Variants in RAB3C observed in about 807,000 individuals in gnomAD.
RAB3C encodes the protein ras-related protein Rab-3C.
Under a neutral mutation model 26.4 loss-of-function variants are expected in RAB3C, and 17 were observed. The ratio of observed to expected loss-of-function variants is 0.64; its 90% confidence interval spans 0.44 to 0.97. The LOEUF (loss-of-function observed/expected upper bound fraction) is 0.97. Among genes scored for constraint, RAB3C ranks in the 50% least tolerant of loss-of-function variants. The pLI is 0.00. For synonymous variants in RAB3C, 91 were observed against 95.9 expected (o/e 0.95, Z 0.30); for missense variants, 242 against 281.9 (o/e 0.86, Z 1.01).
At chr5:58,697,745 C>T (rs542115927) in intron 2 of RAB3C, among the ~76,000 whole-genome samples, 5 of 152,170 alleles carry the variant, frequency 3.3e-5, no homozygotes, top group South Asian at 2.1e-4. Flanking sequence ...AGGATTGCAA[C>T]CCCTGCTTTT....
intron 2 of RAB3C, among the ~76,000 whole-genome samples, chr5:58,620,446 G>A (rs376966847): frequency 1.3e-5 from 2 of 152,138 alleles, no homozygotes; most frequent in Non-Finnish European, 2.9e-5. Flanking sequence ...TGTGCTTATG[G>A]AACTTGTAGT....
intron 2 of RAB3C, among the ~76,000 whole-genome samples, chr5:58,646,214 C>G (rs146227979): frequency 1.3e-5 from 2 of 152,130 alleles, no homozygotes; most frequent in Non-Finnish European, 2.9e-5. Flanking sequence ...GTTCTCATAG[C>G]GTCTTCTCTC....
intron 1 of RAB3C, among the ~76,000 whole-genome samples, chr5:58,587,039 G>A (rs1746022214): frequency 6.6e-6 from 1 of 152,046 alleles, no homozygotes; most frequent in South Asian, 2.1e-4. Flanking sequence ...ATCCCTAATT[G>A]ACTTTAGAGA....
At position 58,852,706 on chromosome 5, in the gene RAB3C, G is replaced by C. The variant is rs1408963384; in HGVS notation, c.*1355G>C. On this transcript the variant is annotated 3_prime_UTR_variant, in exon 5 of 5. Coordinates refer to ENST00000282878, the MANE Select transcript of RAB3C (RefSeq NM_138453.4). Reference sequence around the variant, plus strand: ...GAGAAAACAACAAATCCTACCAGCTGTACAGAGAGCAACAGGGAAATTTGG... The same window carrying C: ...GAGAAAACAACAAATCCTACCAGCTCTACAGAGAGCAACAGGGAAATTTGG... 7 of 152,272 alleles carry C rather than the reference G, an allele frequency of 4.6e-5. 1 individual carries two copies. The highest frequency in any genetic ancestry group is 1.7e-4 in the African/African-American group (7 of 41,554). 9.4% of individuals were successfully genotyped at this position (152,272 alleles called of 1,614,324 possible).
Position 58,813,592 on chromosome 5 carries a change from TTATATATATATATATATATATA to T in RAB3C, c.372-11425_372-11404del, listed in dbSNP as rs869039335. ...TGTTATGGTTAATTTATATTTATAT[TTATATATATATATATATATATA>T]TATATATATATATATATATACACAC... On this transcript the variant is annotated intron_variant, in intron 3 of 4. Coordinates refer to ENST00000282878, the MANE Select transcript of RAB3C (RefSeq NM_138453.4). Among the ~76,000 whole-genome samples the T allele has an allele frequency of 2.2e-3, 103 of 47,820 alleles. 2 individuals are homozygous for T. Among genetic ancestry groups the T allele is most frequent in the Admixed American group, 5.3e-3 (23 of 4,302 alleles). 31.4% of individuals were successfully genotyped at this position (47,820 alleles called of 152,430 possible). A position where few individuals can be genotyped will look rare whatever the true frequency, so the allele number is the denominator to read the frequency against.
At chr5:58,595,933 A>G (rs1027697767) in intron 1 of RAB3C, among the ~76,000 whole-genome samples, 8 of 152,140 alleles carry the variant, frequency 5.3e-5, no homozygotes, top group Non-Finnish European at 8.8e-5. Context: ...GCATATAGAA[A>G]GTGTGAATGT....
chr5:58,811,674 T>C (rs1390331451), intron 3 of RAB3C, among the ~76,000 whole-genome samples: 1 of 152,018 alleles, frequency 6.6e-6, no homozygotes, highest in African/African-American at 2.4e-5. Context: ...CAGAGCTGGC[T>C]GGGAGGCCAG....
chr5:58,789,050 C>A (rs1742461223), intron 3 of RAB3C, among the ~76,000 whole-genome samples: 1 of 152,022 alleles, frequency 6.6e-6, no homozygotes, highest in African/African-American at 2.4e-5. Flanking sequence ...TGCGTGCATG[C>A]AGCCAGGGGA....
intron 4 of RAB3C, among the ~76,000 whole-genome samples, chr5:58,826,309 AG>A (rs1242255964): frequency 1.3e-5 from 2 of 152,168 alleles, no homozygotes; most frequent in Non-Finnish European, 2.9e-5. Flanking sequence ...GCAACTACAA[AG>A]GAGATGAGGC....
intron 2 of RAB3C, among the ~76,000 whole-genome samples, chr5:58,625,351 G>C (rs1747030037): frequency 1.3e-5 from 2 of 152,150 alleles, no homozygotes; most frequent in Admixed American, 1.3e-4. Flanking sequence ...TGCTTATAGA[G>C]TAACTTCAAG....
intron 1 of RAB3C, among the ~76,000 whole-genome samples, chr5:58,606,022 A>G (rs1243935575): frequency 6.6e-6 from 1 of 152,178 alleles, no homozygotes; most frequent in Admixed American, 6.5e-5. Context: ...CAACTGAGGT[A>G]CCTGGTTCAT....
At chr5:58,642,175 T>G (rs944662287) in intron 2 of RAB3C, among the ~76,000 whole-genome samples, 1 of 152,244 alleles carries the variant, frequency 6.6e-6, no homozygotes, top group Non-Finnish European at 1.5e-5. Context: ...CTAAACATGG[T>G]GAACTGTTTT....
chr5:58,845,594 C>CTATATATA lies in RAB3C; in HGVS notation c.497-5558_497-5551dup, dbSNP rs147626783. On this transcript the variant is annotated intron_variant, in intron 4 of 4. Coordinates refer to ENST00000282878, the MANE Select transcript of RAB3C (RefSeq NM_138453.4). The stretch of plus-strand genomic sequence containing the variant: ...CATTCATTTAGGACAGTGATTCTTA[C>CTATATATA]TATATATATATATATATATGTGTGT... Among the ~76,000 whole-genome samples the CTATATATA allele has an allele frequency of 1.0e-3, 76 of 74,576 alleles. 2 individuals carry two copies. The highest frequency in any genetic ancestry group is 2.5e-3 in the South Asian group (6 of 2,380). The allele number at this position is 74,576 out of a possible 152,430, so 48.9% of individuals were successfully genotyped here.
chr5:58,783,302 G>A (rs369790063), intron 3 of RAB3C, among the ~76,000 whole-genome samples: 44 of 152,152 alleles, frequency 2.9e-4, no homozygotes, highest in East Asian at 1.4e-3. Flanking sequence ...TGAGTAAAAC[G>A]TTTATTTTCT....
rs1289870360 is a variant in RAB3C at position 58,845,612 on chromosome 5, A to ATG, written c.497-5534_497-5533dup. ...ATTCTTACTATATATATATATATAT[A>ATG]TGTGTGTGTGTGTGTGTGTATATGT... On this transcript the variant is annotated intron_variant, in intron 4 of 4. Transcript: ENST00000282878. 1.7e-3 allele frequency among the ~76,000 whole-genome samples: 138 copies of ATG among 81,732 alleles called. 8 individuals carry two copies. The South Asian group carries it at 0.044, about 26-fold the overall frequency. 53.6% of individuals were successfully genotyped at this position (81,732 alleles called of 152,430 possible).
At chr5:58,721,914 C>T (rs144485068) in intron 2 of RAB3C, among the ~76,000 whole-genome samples, 21 of 151,758 alleles carry the variant, frequency 1.4e-4, no homozygotes, top group Non-Finnish European at 2.5e-4. Flanking sequence ...CTGTGACTTA[C>T]GTACTATCTG....
At chr5:58,788,207 C>G (rs2112010490) in intron 3 of RAB3C, 1 of 152,394 alleles carries the variant, frequency 6.6e-6, no homozygotes, top group East Asian at 1.9e-4. Flanking sequence ...TCTCTGCATG[C>G]TGCTTCAGTC....
intron 3 of RAB3C, among the ~76,000 whole-genome samples, chr5:58,804,726 T>C (rs1742895338): frequency 6.6e-6 from 1 of 151,738 alleles, no homozygotes; most frequent in Non-Finnish European, 1.5e-5. Flanking sequence ...CAGCAGCTTC[T>C]CTCCAGAGCA....
intron 3 of RAB3C, among the ~76,000 whole-genome samples, chr5:58,772,454 C>G (rs1468870310): frequency 7.2e-5 from 11 of 152,112 alleles, no homozygotes; most frequent in African/African-American, 1.9e-4. Flanking sequence ...TAAGAAAGGA[C>G]TTCAGGGAAG....
Sources: gnomAD v4.1 joint callset for allele counts (sites outside exome capture counted in the v4.1 genomes callset) on GRCh38, gnomAD v4.1.1 for gene constraint, MANE v1.5 for transcripts, NCBI Gene and HGNC (gene_info 2026-07-23, HGNC 2026-07-21) for gene names.